KIAA1614: variants seen among roughly 807,000 people sequenced by gnomAD.
KIAA1614 encodes the protein KIAA1614.
Under a neutral mutation model 88.7 loss-of-function variants are expected in KIAA1614, and 76 were observed. The ratio of observed to expected loss-of-function variants is 0.86; its 90% CI spans 0.71 to 1.04. The LOEUF is 1.04. KIAA1614 is among the 50% of genes least tolerant of loss of function. The probability of loss-of-function intolerance (pLI) is 0.00; values close to 1 mark genes in which losing one functional copy is unlikely to be tolerated. For synonymous variants in KIAA1614, 714 were observed against 675.5 expected, an observed-to-expected ratio of 1.06 and a Z score of -0.88; for missense variants, 1,553 against 1,582.5, an observed-to-expected ratio of 0.98 and a Z score of 0.32.
intron 4 of KIAA1614, among the ~76,000 whole-genome samples, chr1:180,933,243 T>A (rs1654241771): frequency 6.6e-6 from 1 of 152,158 alleles, no homozygotes; most frequent in Non-Finnish European, 1.5e-5. Flanking sequence ...GAGGGTTGCA[T>A]GAGGTCAGGG....
intron 3 of KIAA1614, among the ~76,000 whole-genome samples, chr1:180,926,860 G>A (rs1253810259): frequency 6.6e-6 from 1 of 152,246 alleles, no homozygotes; most frequent in African/African-American, 2.4e-5. Context: ...GCCAAAGGAG[G>A]CTTCACGGGG....
At position 180,935,249 on chromosome 1, in the gene KIAA1614, C is replaced by G; in HGVS notation, c.1340C>G (p.Pro447Arg). Reference sequence around the variant, plus strand: ...CACAGGCCGAGGCGGGGCCCCTCGCCGTCGCACGTGCGCTTTGAGGATGAG... The same window carrying G: ...CACAGGCCGAGGCGGGGCCCCTCGCGGTCGCACGTGCGCTTTGAGGATGAG... ...GGHRPRRGPS[P>R]SHVRFEDESA... The change falls in exon 5 of 9, where the codon CCG becomes CGG. Residue 447 changes from proline (P) to arginine (R), a missense_variant. Pro to Arg is a moderately radical substitution (Grantham distance 103). Coordinates refer to ENST00000367588, the MANE Select transcript of KIAA1614 (RefSeq NM_020950.2). This position sits in a 1 kb window ranked among gnomAD's most constrained non-coding sequence, Gnocchi z 6.1. 1 of 1,527,410 alleles carries G rather than the reference C, an allele frequency of 6.5e-7. No homozygotes were observed. The highest frequency in any genetic ancestry group is 1.3e-5 in the South Asian group (1 of 79,068). 94.6% of individuals were successfully genotyped at this position (1,527,410 alleles called of 1,614,324 possible).
rs1654623440 is a variant in KIAA1614, at chr1:180,947,537, A to T, written c.*1949A>T. The T allele has an allele frequency of 6.6e-6, 1 of 152,240 alleles. No homozygotes were observed. 9.4% of individuals were successfully genotyped at this position (152,240 alleles called of 1,614,324 possible). A position where few individuals can be genotyped will look rare whatever the true frequency, so the allele number is the denominator to read the frequency against. Reference sequence around the variant, plus strand: ...CTGATGAGCTGGACATGTAAGAGGAAGAGAGGACAGGTCTCTGCCTACTCT... The same window carrying T: ...CTGATGAGCTGGACATGTAAGAGGATGAGAGGACAGGTCTCTGCCTACTCT... On this transcript the variant is annotated 3_prime_UTR_variant, in exon 9 of 9. Transcript: ENST00000367588.
Position 180,945,788 on chromosome 1 carries a change from CT to C in KIAA1614, c.*201del. 7.4e-7 allele frequency: 1 copy of C among 1,350,748 alleles called. No homozygotes were observed. Among genetic ancestry groups the C allele is most frequent in the Non-Finnish European group, 9.4e-7 (1 of 1,060,796 alleles). 83.7% of individuals were successfully genotyped at this position (1,350,748 alleles called of 1,614,324 possible). A position where few individuals can be genotyped will look rare whatever the true frequency, so the allele number is the denominator to read the frequency against. On this transcript the variant is annotated 3_prime_UTR_variant, in exon 9 of 9. Transcript: ENST00000367588. The stretch of plus-strand genomic sequence containing the variant: ...TGGCAGGTTTGACTCCACTGTCCCC[CT>C]GCTGTCTGATGACATCTTGAAATTA...
chr1:180,943,097 G>A (rs1654507588), intron 7 of KIAA1614, among the ~76,000 whole-genome samples: 2 of 150,452 alleles, frequency 1.3e-5, no homozygotes, highest in Non-Finnish European at 3.0e-5. Context: ...CGCAATGTCT[G>A]CTCACTGCAA....
chr1:180,942,700 C>A (rs1654495952), intron 7 of KIAA1614, among the ~76,000 whole-genome samples: 1 of 152,144 alleles, frequency 6.6e-6, no homozygotes, highest in Non-Finnish European at 1.5e-5. Context: ...AGCCGTGGCA[C>A]CCAGATTTAT....
In KIAA1614 at chr1:180,916,347, G is replaced by A; in HGVS notation, c.244G>A (p.Val82Met). Residue 82 changes from valine (V) to methionine (M), a missense_variant, in exon 2 of 9, where the codon GTG becomes ATG. Val to Met is a conservative substitution (Grantham distance 21). Coordinates refer to ENST00000367588, the MANE Select transcript of KIAA1614 (RefSeq NM_020950.2). ...VWGVQLQGPS[V>M]LESKVRALKE... The stretch of plus-strand genomic sequence containing the variant: ...GGGAGTACAGCTCCAGGGCCCCTCT[G>A]TGCTGGAATCCAAGGTGAGGGCTTT... 1.2e-6 allele frequency: 2 copies of A among 1,614,186 alleles called. No individual in the cohort carries two copies. Among genetic ancestry groups the A allele is most frequent in the Non-Finnish European group, 1.7e-6 (2 of 1,180,026 alleles).
rs554814526 is a variant in KIAA1614, at chr1:180,935,202, C to T, written c.1293C>T (p.Ser431=). 14 of 1,507,950 alleles carry T rather than the reference C, an allele frequency of 9.3e-6. No homozygotes were observed. The South Asian group carries it at 1.6e-4, about 17-fold the overall frequency. 93.4% of individuals were successfully genotyped at this position (1,507,950 alleles called of 1,614,324 possible). The change falls in exon 5 of 9, where the codon TCC becomes TCT. Residue 431 remains serine (S), a synonymous_variant. Coordinates refer to ENST00000367588, the MANE Select transcript of KIAA1614 (RefSeq NM_020950.2). The surrounding 1 kb of genome is among the most constrained non-coding windows in gnomAD (Gnocchi z 6.1). The part of the protein sequence containing the change: ...SLQNGHTSDS[S]SGESSGGHRP... ...AGAACGGGCACACGAGCGATTCCTC[C>T]AGCGGAGAGTCCAGCGGTGGGCACA... is the stretch of plus-strand genomic sequence containing the variant.
intron 3 of KIAA1614, among the ~76,000 whole-genome samples, chr1:180,925,374 G>C (rs1196995539): frequency 6.6e-6 from 1 of 152,216 alleles, no homozygotes; most frequent in Non-Finnish European, 1.5e-5. Flanking sequence ...AAGCAGAAAA[G>C]TTTCTCTATG....
Position 180,935,497 on chromosome 1 carries a change from C to G in KIAA1614, c.1588C>G (p.Pro530Ala). 6.6e-7 allele frequency: 1 copy of G among 1,505,872 alleles called. No individual in the cohort carries two copies. Among genetic ancestry groups the G allele is most frequent in the East Asian group, 2.4e-5 (1 of 42,194 alleles). The allele number at this position is 1,505,872 out of a possible 1,614,324, so 93.3% of individuals were successfully genotyped here. A position where few individuals can be genotyped will look rare whatever the true frequency, so the allele number is the denominator to read the frequency against. Residue 530 changes from proline (P) to alanine (A), a missense_variant, in exon 5 of 9, where the codon CCG becomes GCG. Transcript: ENST00000367588. The surrounding 1 kb of genome is among the most constrained non-coding windows in gnomAD (Gnocchi z 6.1). ...DRRGHPAPPA[P>A]GSERRCQACG... ...CAGGGGACACCCGGCACCGCCGGCA[C>G]CGGGCAGCGAGAGGAGGTGCCAGGC...
chr1:180,943,027 G>GTTTT (rs1261396134), intron 7 of KIAA1614, among the ~76,000 whole-genome samples: 1 of 22,326 alleles, frequency 4.5e-5, no homozygotes, highest in African/African-American at 9.5e-5. Context: ...TAGTTTTTTG[G>GTTTT]GTTTTTTTTT....
In KIAA1614 at chr1:180,935,823, G is replaced by C; in HGVS notation, c.1914G>C (p.Gly638=). The C allele has an allele frequency of 6.2e-7, 1 of 1,613,664 alleles. No individual in the cohort carries two copies. The highest frequency in any genetic ancestry group is 1.7e-5 in the Admixed American group (1 of 60,012). The change falls in exon 5 of 9, where the codon GGG becomes GGC. Residue 638 remains glycine, a synonymous_variant. Coordinates refer to ENST00000367588, the MANE Select transcript of KIAA1614 (RefSeq NM_020950.2). The surrounding 1 kb of genome is among the most constrained non-coding windows in gnomAD (Gnocchi z 6.1). ...AGTSQAGWAC[G]RTQGSSPRLR... The stretch of plus-strand genomic sequence containing the variant: ...CCTCTCAGGCTGGCTGGGCGTGTGG[G>C]CGGACCCAAGGCAGCAGCCCGCGAC...
chr1:180,944,860 A>AGACAGAG (rs1654553352), intron 8 of KIAA1614: 1 of 254,160 alleles, frequency 3.9e-6, no homozygotes, highest in South Asian at 7.9e-5. Context: ...AAACACATAG[A>AGACAGAG]GACAGAGGCC....
rs1310721687 is a variant in KIAA1614, at chr1:180,935,693, G to A, written c.1784G>A (p.Arg595Gln). The change falls in exon 5 of 9, where the codon CGG (arginine) becomes CAG (glutamine). Residue 595 changes from arginine to glutamine, a missense_variant. Physicochemically the swap from Arg to Gln is conservative, Grantham distance 43. Transcript: ENST00000367588. The surrounding 1 kb of genome is among the most constrained non-coding windows in gnomAD (Gnocchi z 6.1). ...AEPRLHMEWI[R>Q]ETHIGDTVCP... ...CCCCGGCTCCACATGGAATGGATCCGGGAAACACACATCGGAGACACCGTG... is the reference window on the plus strand; with the variant it reads ...CCCCGGCTCCACATGGAATGGATCCAGGAAACACACATCGGAGACACCGTG... 1 of 1,613,630 alleles carries A rather than the reference G, an allele frequency of 6.2e-7. No individual in the cohort carries two copies. Among genetic ancestry groups the A allele is most frequent in the Non-Finnish European group, 8.5e-7 (1 of 1,179,936 alleles).
In KIAA1614 at chr1:180,945,616, C is replaced by A. The variant is rs1471658438; in HGVS notation, c.*28C>A. The A allele has an allele frequency of 1.3e-6, 2 of 1,572,978 alleles. No individual in the cohort carries two copies. Among genetic ancestry groups the A allele is most frequent in the African/African-American group, 1.4e-5 (1 of 72,502 alleles). ...CGTGCAGCTCTGGGAATTCAGAAAGCCTCTGACTACAGGACTAGGCTTCTC... is the reference window on the plus strand; with the variant it reads ...CGTGCAGCTCTGGGAATTCAGAAAGACTCTGACTACAGGACTAGGCTTCTC... On this transcript the variant is annotated 3_prime_UTR_variant, in exon 9 of 9. Coordinates refer to ENST00000367588, the MANE Select transcript of KIAA1614 (RefSeq NM_020950.2).
chr1:180,925,465 T>C (rs1452445357), intron 3 of KIAA1614, among the ~76,000 whole-genome samples: 1 of 152,268 alleles, frequency 6.6e-6, no homozygotes, highest in Non-Finnish European at 1.5e-5. Context: ...TTCCCAGTTA[T>C]TTCCCCATCC....
Position 180,935,644 on chromosome 1 carries a change from C to T in KIAA1614, c.1735C>T (p.Pro579Ser), listed in dbSNP as rs1048004165. The change falls in exon 5 of 9, where the codon CCA becomes TCA. Residue 579 changes from proline to serine, a missense_variant. Transcript: ENST00000367588. The surrounding 1 kb of genome is among the most constrained non-coding windows in gnomAD (Gnocchi z 6.1). ...GAGGGTGCTGGGTGGCCTGAGCTCC[C>T]CACTCCGGCTCCTTCCTGCAGAGCC... is the stretch of plus-strand genomic sequence containing the variant. The part of the protein sequence containing the change: ...MERVLGGLSS[P>S]LRLLPAEPRL... 6.8e-6 allele frequency: 11 copies of T among 1,612,084 alleles called. No individual in the cohort carries two copies. Among genetic ancestry groups the T allele is most frequent in the Non-Finnish European group, 9.3e-6 (11 of 1,179,340 alleles).
intron 6 of KIAA1614, among the ~76,000 whole-genome samples, chr1:180,939,842 C>G (rs911991690): frequency 2.6e-5 from 4 of 152,204 alleles, no homozygotes; most frequent in Non-Finnish European, 4.4e-5. Context: ...CCTCTTCCCC[C>G]TTTCTCATCA....
At position 180,945,600 on chromosome 1, in the gene KIAA1614, C is replaced by T; in HGVS notation, c.*12C>T. Reference sequence around the variant, plus strand: ...TGGTCTTTGGCTGAGCCGTGCAGCTCTGGGAATTCAGAAAGCCTCTGACTA... The same window carrying T: ...TGGTCTTTGGCTGAGCCGTGCAGCTTTGGGAATTCAGAAAGCCTCTGACTA... On this transcript the variant is annotated 3_prime_UTR_variant, in exon 9 of 9. Transcript: ENST00000367588. The T allele has an allele frequency of 6.3e-7, 1 of 1,590,188 alleles. No homozygotes were observed. The highest frequency in any genetic ancestry group is 1.2e-5 in the South Asian group (1 of 86,704).
Sources: gnomAD v4.1 joint callset for allele counts (sites outside exome capture counted in the v4.1 genomes callset) on GRCh38, gnomAD v4.1.1 for gene constraint, Gnocchi (gnomAD v3.1) non-coding constraint, MANE v1.5 for transcripts, NCBI Gene and HGNC (gene_info 2026-07-23, HGNC 2026-07-21) for gene names.